The following KALRN variants were observed in gnomAD, a reference collection of about 807,000 sequenced individuals.
The protein encoded by KALRN is kalirin RhoGEF kinase, also known as kalirin.
KALRN carries 70 observed loss-of-function variants against 353.7 expected under a neutral mutation model. The observed-to-expected ratio is 0.20, with a 90% CI of 0.16 to 0.24. The LOEUF (loss-of-function observed/expected upper bound fraction) is 0.24, where lower values mean the gene tolerates loss of function less well. Among genes scored for constraint, KALRN ranks in the 10% least tolerant of loss-of-function variants. The pLI is 1.00. For missense variants in KALRN, 2,791 were observed against 3,756.7 expected (o/e 0.74, Z 6.72); for synonymous variants, 1,391 against 1,434.8 (o/e 0.97, Z 0.69).
At chr3:124,248,246 A>G (rs2070617179) in intron 3 of KALRN, among the ~76,000 whole-genome samples, 1 of 150,612 alleles carries the variant, frequency 6.6e-6, no homozygotes, top group South Asian at 2.1e-4. Context: ...GAAAAAGGAG[A>G]GGGCTTCACC....
chr3:124,623,083 T>C (rs2079467886), intron 34 of KALRN, among the ~76,000 whole-genome samples: 1 of 152,008 alleles, frequency 6.6e-6, no homozygotes, highest in South Asian at 2.1e-4. Context: ...CTTTTTTTCT[T>C]TCTTTGTCTC....
At chr3:124,152,138 T>A in intron 1 of KALRN, 2 of 1,328,972 alleles carry the variant, frequency 1.5e-6, no homozygotes, top group South Asian at 2.3e-5. Flanking sequence ...ATGAATCAGA[T>A]CCTTCCTGCA....
rs145975467 is a variant in KALRN, at chr3:124,593,747, A to G, written c.5182+30658A>G. 3.7e-3 allele frequency among the ~76,000 whole-genome samples: 558 copies of G among 152,306 alleles called. 4 individuals are homozygous for G. The highest frequency in any genetic ancestry group is 5.1e-3 in the Non-Finnish European group (346 of 68,036). On this transcript the variant is annotated intron_variant, in intron 34 of 59. Coordinates refer to ENST00000682506, the MANE Select transcript of KALRN (RefSeq NM_001388419.1). Reference sequence around the variant, plus strand: ...GAATAGGAATTAGGAATCAGGAATTATCTATGTCTTCCACGAGCTTAACAG... The same window carrying G: ...GAATAGGAATTAGGAATCAGGAATTGTCTATGTCTTCCACGAGCTTAACAG...
At chr3:124,269,481 A>T (rs928866584) in intron 5 of KALRN, among the ~76,000 whole-genome samples, 5 of 152,130 alleles carry the variant, frequency 3.3e-5, no homozygotes, top group African/African-American at 1.2e-4. Context: ...TAATCCTTTC[A>T]AGAGTCCTGA....
chr3:124,222,253 C>A (rs1920623), intron 1 of KALRN, among the ~76,000 whole-genome samples: 32,369 of 152,110 alleles, frequency 0.21, 5,099 homozygotes, highest in East Asian at 0.73. Context: ...CATAAACACT[C>A]CTGCCACCAA....
In KALRN at chr3:124,562,600, A is replaced by C. The variant is rs115446918; in HGVS notation, c.4936-243A>C. 3.4e-3 allele frequency: 1,080 copies of C among 317,408 alleles called. 6 individuals carry two copies. The highest frequency in any genetic ancestry group is 5.9e-3 in the Non-Finnish European group (960 of 162,104). 19.7% of individuals were successfully genotyped at this position (317,408 alleles called of 1,614,324 possible). ...ACTGTGGCTACAGCTAGAAAGCCTG[A>C]GTGATTGAATAGCACTGTGCTAATT... On this transcript the variant is annotated intron_variant, in intron 33 of 59. Coordinates refer to ENST00000682506, the MANE Select transcript of KALRN (RefSeq NM_001388419.1).
chr3:124,136,797 AT>A (rs1402827133), intron 1 of KALRN, among the ~76,000 whole-genome samples: 1 of 152,194 alleles, frequency 6.6e-6, no homozygotes, highest in African/African-American at 2.4e-5. Context: ...CTGGGAAAAG[AT>A]GGTCATGGAT....
intron 6 of KALRN, among the ~76,000 whole-genome samples, chr3:124,319,578 A>G (rs2079116343): frequency 6.8e-6 from 1 of 147,912 alleles, no homozygotes; most frequent in South Asian, 2.1e-4. Flanking sequence ...TATATTATAT[A>G]TAAATTATAT....
chr3:124,346,574 C>T (rs184885493), intron 9 of KALRN, among the ~76,000 whole-genome samples: 1 of 152,276 alleles, frequency 6.6e-6, no homozygotes, highest in Non-Finnish European at 1.5e-5. Context: ...TGGAAAGAAG[C>T]CAGAGGGGGC....
rs569983695 is a variant in KALRN at position 124,589,470 on chromosome 3, G to A, written c.5182+26381G>A. Among the ~76,000 whole-genome samples, 28 of 152,288 alleles carry A rather than the reference G, an allele frequency of 1.8e-4. No individual in the cohort carries two copies. The South Asian group carries it at 5.4e-3, about 29-fold the overall frequency. On this transcript the variant is annotated intron_variant, in intron 34 of 59. Transcript: ENST00000682506. ...TAGCTGGGTGTAGTGACATGCACCT[G>A]TAGTCCCAGCTACTCGGGAGGTTGA...
At chr3:124,305,893 A>G (rs998202336) in intron 6 of KALRN, among the ~76,000 whole-genome samples, 1 of 152,200 alleles carries the variant, frequency 6.6e-6, no homozygotes, top group African/African-American at 2.4e-5. Context: ...AATATGTACT[A>G]GAAAAAAAAT....
At chr3:124,217,703 C>T (rs908963281) in intron 1 of KALRN, among the ~76,000 whole-genome samples, 1 of 152,124 alleles carries the variant, frequency 6.6e-6, no homozygotes, top group East Asian at 1.9e-4. Context: ...CAAGTAGCAA[C>T]GTCACACTAG....
At chr3:124,112,646 T>C (rs1357961452) in intron 1 of KALRN, among the ~76,000 whole-genome samples, 1 of 152,166 alleles carries the variant, frequency 6.6e-6, no homozygotes, top group Non-Finnish European at 1.5e-5. Context: ...TTCCACCTTC[T>C]GTTTTCCATA....
chr3:124,368,242 G>C (rs2085261540), intron 10 of KALRN, among the ~76,000 whole-genome samples: 1 of 140,944 alleles, frequency 7.1e-6, no homozygotes, highest in Non-Finnish European at 1.5e-5. Flanking sequence ...GCGGGGGGCT[G>C]ACCCCCCCAC....
intron 34 of KALRN, among the ~76,000 whole-genome samples, chr3:124,601,468 G>T (rs1485046363): frequency 6.6e-6 from 1 of 152,204 alleles, no homozygotes; most frequent in Non-Finnish European, 1.5e-5. Flanking sequence ...CCCTGGGAGT[G>T]TCCGTGTTCA....
chr3:124,404,107 A>C (rs1456495960), intron 13 of KALRN, among the ~76,000 whole-genome samples: 3 of 146,734 alleles, frequency 2.0e-5, no homozygotes, highest in Non-Finnish European at 4.4e-5. Flanking sequence ...ATTGTGTTGA[A>C]CCAAAATCTC....
intron 10 of KALRN, among the ~76,000 whole-genome samples, chr3:124,381,854 A>C (rs1442745428): frequency 6.6e-6 from 1 of 152,300 alleles, no homozygotes; most frequent in South Asian, 2.1e-4. Context: ...CCATGGAGAT[A>C]CATTGTTACT....
intron 1 of KALRN, among the ~76,000 whole-genome samples, chr3:124,206,189 C>CAGAT (rs2076394580): frequency 6.6e-6 from 1 of 152,212 alleles, no homozygotes; most frequent in Non-Finnish European, 1.5e-5. Context: ...TAGTCTCCTA[C>CAGAT]AGATGTTCCT....
chr3:124,392,432 T>G (rs1456890013), intron 11 of KALRN, among the ~76,000 whole-genome samples: 1 of 152,170 alleles, frequency 6.6e-6, no homozygotes, highest in Non-Finnish European at 1.5e-5. Context: ...AGGAAAGCAC[T>G]GTTATTATCC....
Sources: gnomAD v4.1 joint callset for allele counts (sites outside exome capture counted in the v4.1 genomes callset) on GRCh38, gnomAD v4.1.1 for gene constraint, MANE v1.5 for transcripts, NCBI Gene and HGNC (gene_info 2026-07-23, HGNC 2026-07-21) for gene names.